Variants in DENND1B observed in about 807,000 individuals in gnomAD.
DENND1B encodes the protein DENN domain-containing protein 1B.
Under a neutral mutation model 90.1 loss-of-function variants are expected in DENND1B, and 59 were observed. That is an observed-to-expected ratio of 0.65 (90% CI 0.53 to 0.81). The LOEUF (loss-of-function observed/expected upper bound fraction) is 0.81, where lower values mean the gene tolerates loss of function less well. Ranked by LOEUF, DENND1B falls within the 40% of genes least tolerant of loss-of-function variation. The pLI is 0.00. For synonymous variants in DENND1B, 337 were observed against 324.6 expected (o/e 1.04, Z -0.41); for missense variants, 862 against 912.6 (o/e 0.94, Z 0.71).
intron 2 of DENND1B, among the ~76,000 whole-genome samples, chr1:197,718,544 A>C (rs938921411): frequency 6.6e-6 from 1 of 152,212 alleles, no homozygotes; most frequent in South Asian, 2.1e-4. Flanking sequence ...CTTACAGAGA[A>C]GAGGAGCATC....
intron 13 of DENND1B, among the ~76,000 whole-genome samples, chr1:197,597,694 C>T (rs1675830061): frequency 6.6e-6 from 1 of 151,726 alleles, no homozygotes. Flanking sequence ...CATTCCAAAC[C>T]AAATCATAAA....
At chr1:197,641,963 G>C (rs1292080035) in intron 10 of DENND1B, among the ~76,000 whole-genome samples, 1 of 151,750 alleles carries the variant, frequency 6.6e-6, no homozygotes, top group Non-Finnish European at 1.5e-5. Context: ...AATAGTTTTT[G>C]CTAAATAAAT....
intron 16 of DENND1B, among the ~76,000 whole-genome samples, chr1:197,551,333 T>C (rs1438354590): frequency 6.6e-6 from 1 of 152,160 alleles, no homozygotes; most frequent in Non-Finnish European, 1.5e-5. Context: ...GAATTAATAT[T>C]TGTCAAATTA....
At chr1:197,655,598 C>A (rs1164412886) in intron 6 of DENND1B, among the ~76,000 whole-genome samples, 3 of 151,276 alleles carry the variant, frequency 2.0e-5, no homozygotes, top group Non-Finnish European at 4.4e-5. Context: ...CTGGCGCGAT[C>A]TGCGCTCACT....
intron 10 of DENND1B, among the ~76,000 whole-genome samples, chr1:197,640,661 T>C (rs1680192055): frequency 6.6e-6 from 1 of 152,118 alleles, no homozygotes; most frequent in East Asian, 1.9e-4. Context: ...TCAAACAGAT[T>C]ACTTGGTCAT....
chr1:197,588,556 G>A (rs1018362152), intron 14 of DENND1B, among the ~76,000 whole-genome samples: 1 of 152,068 alleles, frequency 6.6e-6, no homozygotes, highest in Non-Finnish European at 1.5e-5. Flanking sequence ...TGGACTCAAT[G>A]TAATGTCACC....
At chr1:197,705,601 C>T (rs541183061) in intron 3 of DENND1B, among the ~76,000 whole-genome samples, 1 of 149,206 alleles carries the variant, frequency 6.7e-6, no homozygotes, top group East Asian at 2.0e-4. Context: ...GTCTTCAGAA[C>T]CCCTAAAAAT....
intron 2 of DENND1B, among the ~76,000 whole-genome samples, chr1:197,724,180 T>C (rs756435191): frequency 1.6e-4 from 24 of 152,066 alleles, no homozygotes; most frequent in Non-Finnish European, 1.8e-4. Context: ...AGAATCATAC[T>C]AACTACAAAA....
chr1:197,624,887 C>T (rs1311107584), intron 10 of DENND1B, among the ~76,000 whole-genome samples: 27 of 151,546 alleles, frequency 1.8e-4, no homozygotes, highest in African/African-American at 6.3e-4. Flanking sequence ...CCTCAGGAGC[C>T]GATGCGATCA....
intron 20 of DENND1B, among the ~76,000 whole-genome samples, chr1:197,529,242 ATGTGTGTG>A (rs1160722638): frequency 2.5e-3 from 27 of 10,868 alleles, no homozygotes; most frequent in African/African-American, 4.5e-3. Flanking sequence ...ATATATATAT[ATGTGTGTG>A]TGTGTGTGTG....
At chr1:197,755,808 C>T (rs1273305482) in intron 2 of DENND1B, among the ~76,000 whole-genome samples, 1 of 152,132 alleles carries the variant, frequency 6.6e-6, no homozygotes, top group Non-Finnish European at 1.5e-5. Flanking sequence ...GTGCAGAGAA[C>T]TCCCGTTTTT....
intron 2 of DENND1B, among the ~76,000 whole-genome samples, chr1:197,741,000 T>A (rs1390624861): frequency 2.0e-5 from 3 of 152,174 alleles, no homozygotes; most frequent in Non-Finnish European, 4.4e-5. Flanking sequence ...ATAAAAATCC[T>A]TCTGTATTTT....
intron 2 of DENND1B, among the ~76,000 whole-genome samples, chr1:197,732,423 C>G (rs1662233254): frequency 6.6e-6 from 1 of 152,118 alleles, no homozygotes; most frequent in African/African-American, 2.4e-5. Flanking sequence ...TCTCTGTCAC[C>G]TTCTCTATCT....
At chr1:197,650,153 A>C (rs1253519141) in intron 7 of DENND1B, among the ~76,000 whole-genome samples, 1 of 152,240 alleles carries the variant, frequency 6.6e-6, no homozygotes, top group Non-Finnish European at 1.5e-5. Flanking sequence ...CCACAATGTG[A>C]TACTACCTTA....
intron 15 of DENND1B, among the ~76,000 whole-genome samples, chr1:197,556,249 G>T (rs572453812): frequency 1.1e-3 from 160 of 151,870 alleles, no homozygotes; most frequent in Non-Finnish European, 2.0e-3. Flanking sequence ...CTACTTATTG[G>T]GTACTATGTT....
intron 21 of DENND1B, among the ~76,000 whole-genome samples, chr1:197,512,391 T>C (rs1668090425): frequency 6.6e-6 from 1 of 151,780 alleles, no homozygotes; most frequent in South Asian, 2.1e-4. Flanking sequence ...ATTTTGTCAT[T>C]GTCATACATC....
At chr1:197,745,616 T>TTATATATA (rs60118343) in intron 2 of DENND1B, among the ~76,000 whole-genome samples, 27 of 71,814 alleles carry the variant, frequency 3.8e-4, no homozygotes, top group African/African-American at 7.5e-4. Flanking sequence ...CATATATATA[T>TTATATATA]TATATATATA....
At chr1:197,636,070 A>G (rs1175580576) in intron 10 of DENND1B, among the ~76,000 whole-genome samples, 2 of 152,132 alleles carry the variant, frequency 1.3e-5, no homozygotes, top group Non-Finnish European at 2.9e-5. Context: ...CAGAAAGACA[A>G]GTTTAGAATC....
At chr1:197,622,897 G>A (rs1678302460) in intron 10 of DENND1B, among the ~76,000 whole-genome samples, 1 of 151,264 alleles carries the variant, frequency 6.6e-6, no homozygotes, top group South Asian at 2.1e-4. Context: ...CATGTATTTT[G>A]AGGGAGGAGA....
Sources: gnomAD v4.1 joint callset for allele counts (sites outside exome capture counted in the v4.1 genomes callset) on GRCh38, gnomAD v4.1.1 for gene constraint, MANE v1.5 for transcripts, NCBI Gene and HGNC (gene_info 2026-07-23, HGNC 2026-07-21) for gene names.